SMYD3: variants seen among roughly 807,000 people sequenced by gnomAD.
The protein encoded by SMYD3 is histone-lysine N-methyltransferase SMYD3.
SMYD3 carries 36 observed loss-of-function variants against 57.7 expected under a neutral mutation model. That is an observed-to-expected ratio of 0.62 (90% CI 0.48 to 0.82). The LOEUF (loss-of-function observed/expected upper bound fraction) is 0.82, where lower values mean the gene tolerates loss of function less well. Ranked by LOEUF, SMYD3 falls within the 40% of genes least tolerant of loss-of-function variation. SMYD3 has a pLI of 0.00. For missense variants in SMYD3, 515 were observed against 538.8 expected (o/e 0.96, Z 0.44); for synonymous variants, 211 against 195.0 (o/e 1.08, Z -0.68).
chr1:246,228,640 GT>G, intron 5 of SMYD3, among the ~76,000 whole-genome samples: 1 of 152,076 alleles, frequency 6.6e-6, no homozygotes, highest in Non-Finnish European at 1.5e-5. Flanking sequence ...ACATTTTATG[GT>G]GGCTGAAGTG....
At chr1:245,963,971 A>T (rs2058075289) in intron 5 of SMYD3, among the ~76,000 whole-genome samples, 1 of 152,258 alleles carries the variant, frequency 6.6e-6, no homozygotes, top group African/African-American at 2.4e-5. Flanking sequence ...TTTGCTATAA[A>T]GACGTAACCA....
At chr1:246,051,862 T>C (rs979217459) in intron 5 of SMYD3, among the ~76,000 whole-genome samples, 1 of 152,130 alleles carries the variant, frequency 6.6e-6, no homozygotes, top group Non-Finnish European at 1.5e-5. Flanking sequence ...GTGAGCAAAA[T>C]TGGAAGCAAG....
At chr1:246,370,546 T>C (rs1382499611) in intron 1 of SMYD3, among the ~76,000 whole-genome samples, 1 of 152,152 alleles carries the variant, frequency 6.6e-6, no homozygotes, top group Non-Finnish European at 1.5e-5. Context: ...TGGGAATAAG[T>C]GACTTACTCA....
chr1:246,074,371 A>T (rs955741096), intron 5 of SMYD3, among the ~76,000 whole-genome samples: 3 of 151,660 alleles, frequency 2.0e-5, no homozygotes, highest in Non-Finnish European at 2.9e-5. Flanking sequence ...AAATTAAAAA[A>T]AAAAAACAAA....
intron 7 of SMYD3, among the ~76,000 whole-genome samples, chr1:245,917,259 T>C (rs2055502164): frequency 6.6e-6 from 1 of 152,200 alleles, no homozygotes. Context: ...CTTGAACTCC[T>C]GGGCTCAAGC....
chr1:245,806,852 G>A (rs2048187652), intron 10 of SMYD3, among the ~76,000 whole-genome samples: 1 of 140,224 alleles, frequency 7.1e-6, no homozygotes, highest in African/African-American at 2.7e-5. Flanking sequence ...GGAGCTTGCA[G>A]TGAGCCGAGA....
At chr1:246,458,040 A>C (rs2067730023) in intron 1 of SMYD3, among the ~76,000 whole-genome samples, 1 of 152,240 alleles carries the variant, frequency 6.6e-6, no homozygotes. Flanking sequence ...TCCTGAAGAT[A>C]ACAAGCATTA....
intron 10 of SMYD3, among the ~76,000 whole-genome samples, chr1:245,834,120 A>C (rs538828042): frequency 1.3e-5 from 2 of 152,352 alleles, no homozygotes; most frequent in East Asian, 3.9e-4. Flanking sequence ...GAGGGGAAGG[A>C]ACAGGGCTGA....
At chr1:246,269,543 C>CTTTTTTTTTTTTTTTTTTTT (rs570972296) in intron 5 of SMYD3, among the ~76,000 whole-genome samples, 8 of 135,234 alleles carry the variant, frequency 5.9e-5, no homozygotes, top group East Asian at 2.2e-4. Flanking sequence ...CTTTTTTTTT[C>CTTTTTTTTTTTTTTTTTTTT]TTTTTTTTTT....
intron 5 of SMYD3, among the ~76,000 whole-genome samples, chr1:246,317,307 T>C (rs1381675585): frequency 4.6e-5 from 7 of 152,216 alleles, no homozygotes; most frequent in Non-Finnish European, 7.3e-5. Context: ...ACAAAGTATT[T>C]CCGATCCTTT....
intron 5 of SMYD3, among the ~76,000 whole-genome samples, chr1:246,107,162 C>T: frequency 6.7e-6 from 1 of 149,564 alleles, no homozygotes; most frequent in Non-Finnish European, 1.5e-5. Context: ...TGGCAGGCGC[C>T]TGTAGTCCCA....
rs567045447 is a variant in SMYD3 at position 246,059,809 on chromosome 1, G to A, written c.532-129872C>T. Among the ~76,000 whole-genome samples the A allele has an allele frequency of 2.8e-3, 425 of 152,232 alleles. 2 individuals carry two copies. The highest frequency in any genetic ancestry group is 4.8e-3 in the Non-Finnish European group (327 of 68,026). On this transcript the variant is annotated intron_variant, in intron 5 of 11. Coordinates refer to ENST00000490107, the MANE Select transcript of SMYD3 (RefSeq NM_001167740.2). ...TGCTTGTGGAAGCCAGCTTAAACTGGTAAGAGCCCAATCACTCACAGTATT... is the reference window on the plus strand; with the variant it reads ...TGCTTGTGGAAGCCAGCTTAAACTGATAAGAGCCCAATCACTCACAGTATT...
At chr1:245,915,500 G>A (rs758096229) in intron 8 of SMYD3, 30 bp downstream of exon 8, 3 of 1,398,914 alleles carry the variant, frequency 2.1e-6, no homozygotes, top group East Asian at 4.6e-5. Flanking sequence ...TTGCCGTGGA[G>A]GTGTTTCAAT....
At chr1:245,955,211 C>T (rs535252122) in intron 5 of SMYD3, among the ~76,000 whole-genome samples, 3 of 152,236 alleles carry the variant, frequency 2.0e-5, no homozygotes, top group Admixed American at 2.0e-4. Flanking sequence ...CCTGCCTCAG[C>T]CTCCTGAGTA....
At chr1:245,771,234 C>T (rs1423382589) in intron 10 of SMYD3, among the ~76,000 whole-genome samples, 1 of 151,886 alleles carries the variant, frequency 6.6e-6, no homozygotes, top group African/African-American at 2.4e-5. Context: ...AAGAATTGCA[C>T]AGAAACTACA....
chr1:245,870,785 G>T (rs867227827), intron 8 of SMYD3, among the ~76,000 whole-genome samples: 2 of 152,070 alleles, frequency 1.3e-5, no homozygotes, highest in African/African-American at 4.8e-5. Flanking sequence ...GTCCAGCCAG[G>T]CTAGCTGAGT....
chr1:246,398,620 CA>C (rs1420351052), intron 1 of SMYD3, among the ~76,000 whole-genome samples: 2 of 152,164 alleles, frequency 1.3e-5, no homozygotes, highest in African/African-American at 4.8e-5. Context: ...CAATGGTAAA[CA>C]GTACATTCAG....
chr1:246,444,404 A>G lies in SMYD3; in HGVS notation c.164+62650T>C, dbSNP rs187621935. Among the ~76,000 whole-genome samples the G allele has an allele frequency of 4.8e-3, 730 of 152,220 alleles. 8 individuals carry two copies. The highest frequency in any genetic ancestry group is 0.024 in the South Asian group (118 of 4,820). ...CTCCCAAAGTGCTGGGATTACAGGC[A>G]TGAGCCATCGCGCCCAGCCCCAGAA... On this transcript the variant is annotated intron_variant, in intron 1 of 11. Transcript: ENST00000490107.
intron 5 of SMYD3, among the ~76,000 whole-genome samples, chr1:246,039,500 C>T (rs906127979): frequency 6.6e-6 from 1 of 152,180 alleles, no homozygotes; most frequent in African/African-American, 2.4e-5. Context: ...AAGTCTAACA[C>T]CTGTGAATGA....
Sources: gnomAD v4.1 joint callset for allele counts (sites outside exome capture counted in the v4.1 genomes callset) on GRCh38, gnomAD v4.1.1 for gene constraint, MANE v1.5 for transcripts, NCBI Gene and HGNC (gene_info 2026-07-23, HGNC 2026-07-21) for gene names.